The following SELP variants were observed in gnomAD, a reference collection of about 807,000 sequenced individuals.
The protein encoded by SELP is selectin P, also known as P-selectin.
A neutral mutation model predicts 104.1 loss-of-function variants in SELP; 92 were observed. The ratio of observed to expected loss-of-function variants is 0.88; its 90% CI spans 0.75 to 1.05. The LOEUF (loss-of-function observed/expected upper bound fraction) is 1.05. SELP is among the 50% of genes least tolerant of loss of function. SELP has a pLI of 0.00. For synonymous variants in SELP, 397 were observed against 364.5 expected (o/e 1.09, Z -1.01); for missense variants, 1,022 against 1,017.3 (o/e 1.00, Z -0.06).
chr1:169,607,659 A>G (rs989918719), intron 8 of SELP, among the ~76,000 whole-genome samples: 1 of 152,208 alleles, frequency 6.6e-6, no homozygotes, highest in East Asian at 1.9e-4. Flanking sequence ...TCAAAGATGT[A>G]AAATAAATAA....
At chr1:169,618,660 C>T (rs1453634630) in intron 2 of SELP, among the ~76,000 whole-genome samples, 3 of 152,088 alleles carry the variant, frequency 2.0e-5, no homozygotes, top group African/African-American at 7.2e-5. Flanking sequence ...ATTGTTTTGC[C>T]TTAAAGACTT....
At chr1:169,610,933 T>C (rs1210332170) in intron 7 of SELP, among the ~76,000 whole-genome samples, 3 of 152,164 alleles carry the variant, frequency 2.0e-5, no homozygotes, top group Non-Finnish European at 4.4e-5. Flanking sequence ...AGTAGCAGGG[T>C]TGGGCTTGTC....
chr1:169,605,942 A>G (rs1408934700), intron 9 of SELP, among the ~76,000 whole-genome samples: 1 of 152,338 alleles, frequency 6.6e-6, no homozygotes, highest in Non-Finnish European at 1.5e-5. Flanking sequence ...CTATCCTTCA[A>G]TTCACAAACA....
intron 1 of SELP, among the ~76,000 whole-genome samples, chr1:169,623,918 A>T (rs932099909): frequency 2.0e-5 from 3 of 152,198 alleles, no homozygotes; most frequent in African/African-American, 4.8e-5. Flanking sequence ...GGGTTAACAC[A>T]GTTATTCTTA....
At chr1:169,629,762 G>A (rs545765025) in intron 1 of SELP, among the ~76,000 whole-genome samples, 155 of 152,286 alleles carry the variant, frequency 1.0e-3, no homozygotes, top group African/African-American at 3.3e-3. Context: ...CAGCAGCTGC[G>A]GAGCCAGAGG....
chr1:169,620,421 T>A (rs1663041324), intron 1 of SELP, among the ~76,000 whole-genome samples: 1 of 150,900 alleles, frequency 6.6e-6, no homozygotes, highest in African/African-American at 2.4e-5. Context: ...ACCTCCAGGC[T>A]TCTAAATCCC....
chr1:169,613,054 A>G lies in SELP; in HGVS notation c.650T>C (p.Leu217Pro), dbSNP rs766892746. 2.5e-6 allele frequency: 4 copies of G among 1,613,830 alleles called. No individual in the cohort carries two copies. The highest frequency in any genetic ancestry group is 2.2e-5 in the East Asian group (1 of 44,872). The change falls in exon 5 of 17, where the codon CTG (leucine) becomes CCG (proline). Residue 217 changes from leucine to proline, a missense_variant. By Grantham distance (98) the Leu-to-Pro change is moderately conservative (BLOSUM62 -3). Transcript: ENST00000263686. Reference protein sequence around the residue: ...QHVLMNCSHPLGNFSFNSQCS... With the variant: ...QHVLMNCSHPPGNFSFNSQCS... Reference sequence around the variant, plus strand: ...CTGCGAGTTAAAAGAGAAGTTTCCCAGAGGGTGGCTGCAGTTCATGAGCAC... The same window carrying G: ...CTGCGAGTTAAAAGAGAAGTTTCCCGGAGGGTGGCTGCAGTTCATGAGCAC...
intron 11 of SELP, 150 bp from the exon 12 acceptor site, chr1:169,596,284 C>T (rs755055941): frequency 8.8e-6 from 6 of 683,382 alleles, no homozygotes; most frequent in Non-Finnish European, 1.5e-5. Context: ...GAAAAACTAT[C>T]AGTGTCAGAG....
chr1:169,612,639 C>T (rs1042079672), intron 5 of SELP, among the ~76,000 whole-genome samples: 1 of 152,130 alleles, frequency 6.6e-6, no homozygotes. Context: ...AAGTCCTCAT[C>T]ATTGTACTCT....
chr1:169,606,000 A>T (rs936567314), intron 9 of SELP, among the ~76,000 whole-genome samples: 1 of 152,190 alleles, frequency 6.6e-6, no homozygotes, highest in Non-Finnish European at 1.5e-5. Flanking sequence ...TGCAATACTG[A>T]CAGAGCACAC....
Position 169,619,127 on chromosome 1 carries a change from AC to A in SELP, c.94+1del. 2 of 1,610,836 alleles carry A rather than the reference AC, an allele frequency of 1.2e-6. No individual in the cohort carries two copies. Among genetic ancestry groups the A allele is most frequent in the Non-Finnish European group, 1.7e-6 (2 of 1,177,072 alleles). On this transcript the variant is annotated splice_donor_variant, in intron 2 of 16. Transcript: ENST00000263686. LOFTEE classifies it high-confidence loss of function. ...TAAGTGAAAAGTTAGCATAAAGTTT[AC>A]CAGAGATCAGGGCACTGAAGCAAAG...
chr1:169,622,874 G>A (rs1663206156), intron 1 of SELP, among the ~76,000 whole-genome samples: 1 of 152,182 alleles, frequency 6.6e-6, no homozygotes, highest in South Asian at 2.1e-4. Context: ...TTAAGAGCCT[G>A]CTTGTGGTCT....
At chr1:169,593,180 C>T (rs1472478576) in intron 14 of SELP, among the ~76,000 whole-genome samples, 1 of 152,158 alleles carries the variant, frequency 6.6e-6, no homozygotes, top group African/African-American at 2.4e-5. Context: ...ATGAGTCTCA[C>T]ACTCTAACAG....
chr1:169,613,880 T>C (rs572428387), intron 3 of SELP, among the ~76,000 whole-genome samples, 187 bp from the exon 4 acceptor site: 10 of 152,204 alleles, frequency 6.6e-5, no homozygotes, highest in Middle Eastern at 3.4e-3. Flanking sequence ...CCTGCTGGAG[T>C]ATTGCGTGGC....
intron 1 of SELP, among the ~76,000 whole-genome samples, chr1:169,625,833 G>T (rs1458152369): frequency 6.6e-6 from 1 of 152,158 alleles, no homozygotes; most frequent in Non-Finnish European, 1.5e-5. Flanking sequence ...AGTCCTCATA[G>T]AATGCACATT....
intron 14 of SELP, 34 bp downstream of exon 14, chr1:169,593,571 C>A: frequency 6.3e-7 from 1 of 1,597,880 alleles, no homozygotes; most frequent in Non-Finnish European, 8.6e-7. Context: ...ATTTATGTAA[C>A]CAAGATGCAA....
intron 15 of SELP, among the ~76,000 whole-genome samples, chr1:169,590,880 G>A (rs1418714966): frequency 2.6e-5 from 4 of 152,184 alleles, no homozygotes; most frequent in African/African-American, 7.2e-5. Flanking sequence ...ATATCTGCTC[G>A]ATATTCATAC....
Position 169,629,552 on chromosome 1 carries a change from G to A in SELP, c.3+520C>T, listed in dbSNP as rs139007388. Among the ~76,000 whole-genome samples the A allele has an allele frequency of 2.6e-5, 4 of 152,340 alleles. No individual in the cohort carries two copies. The East Asian group carries it at 7.7e-4, about 29-fold the overall frequency. On this transcript the variant is annotated intron_variant, in intron 1 of 16. Transcript: ENST00000263686. ...ATGTGGATATTCCAGATCAGTCCCA[G>A]AAGATTCATAGGCTCACAGAAAGAA...
rs186929748 is a variant in SELP at position 169,620,512 on chromosome 1, T to G, written c.4-1293A>C. Among the ~76,000 whole-genome samples, 116 of 151,754 alleles carry G rather than the reference T, an allele frequency of 7.6e-4. 1 individual carries two copies. The highest frequency in any genetic ancestry group is 7.1e-3 in the Admixed American group (108 of 15,214). Reference sequence around the variant, plus strand: ...TACATCAGTTCCCCTCTAAAGCCACTCAACATTACTATCAACATAAAAACA... The same window carrying G: ...TACATCAGTTCCCCTCTAAAGCCACGCAACATTACTATCAACATAAAAACA... On this transcript the variant is annotated intron_variant, in intron 1 of 16. Coordinates refer to ENST00000263686, the MANE Select transcript of SELP (RefSeq NM_003005.4).
Sources: allele counts gnomAD v4.1 joint callset (sites outside exome capture counted in the v4.1 genomes callset), GRCh38; gene constraint gnomAD v4.1.1; transcripts MANE v1.5; gene names NCBI Gene and HGNC (gene_info 2026-07-23, HGNC 2026-07-21).